PTPRE: variants seen among roughly 807,000 people sequenced by gnomAD.
PTPRE encodes receptor-type tyrosine-protein phosphatase epsilon.
A neutral mutation model predicts 102.0 loss-of-function variants in PTPRE; 51 were observed. The observed-to-expected ratio is 0.50, with a 90% CI of 0.40 to 0.63. The LOEUF (loss-of-function observed/expected upper bound fraction) is 0.63. PTPRE is among the 30% of genes least tolerant of loss of function. The pLI is 0.00. For synonymous variants in PTPRE, 345 were observed against 348.2 expected (o/e 0.99, Z 0.10); for missense variants, 752 against 915.1 (o/e 0.82, Z 2.30).
chr10:128,030,954 G>A (rs1846704186), intron 2 of PTPRE, among the ~76,000 whole-genome samples: 1 of 152,172 alleles, frequency 6.6e-6, no homozygotes, highest in Admixed American at 6.5e-5. Flanking sequence ...CTAACACATG[G>A]CAGTTGCATT....
At chr10:127,910,376 C>T (rs542374810) in intron 1 of PTPRE, among the ~76,000 whole-genome samples, 47 of 152,324 alleles carry the variant, frequency 3.1e-4, no homozygotes, top group African/African-American at 1.1e-3. Flanking sequence ...ACAAAGCCTT[C>T]CTGGCTCCCC....
rs1846633406 is a variant in PTPRE, at chr10:127,921,878, G to A, written c.-31+14569G>A. 2.6e-5 allele frequency among the ~76,000 whole-genome samples: 4 copies of A among 152,216 alleles called. No individual in the cohort carries two copies. The South Asian group carries it at 8.3e-4, about 32-fold the overall frequency. ...AGAGGGCAGGAGGGGAGTCCAGGAG[G>A]AATGGACAGGGTGCTGTGGCTCAGG... On this transcript the variant is annotated intron_variant, in intron 1 of 20. Transcript: ENST00000254667.
intron 1 of PTPRE, among the ~76,000 whole-genome samples, chr10:127,951,975 A>G (rs773178492): frequency 1.3e-5 from 2 of 152,188 alleles, no homozygotes; most frequent in South Asian, 2.1e-4. Context: ...ATCTCCTGAT[A>G]CCTGGTGTGC....
intron 18 of PTPRE, among the ~76,000 whole-genome samples, chr10:128,076,970 T>A (rs944398216): frequency 6.6e-6 from 1 of 152,116 alleles, no homozygotes; most frequent in South Asian, 2.1e-4. Flanking sequence ...CCATTAGCTG[T>A]AAGAGGAAGA....
At chr10:127,949,841 G>A (rs931361146) in intron 1 of PTPRE, among the ~76,000 whole-genome samples, 39 of 152,124 alleles carry the variant, frequency 2.6e-4, no homozygotes, top group East Asian at 9.7e-4. Context: ...ATGGGGAAAC[G>A]TGGGGAGACC....
At position 128,083,082 on chromosome 10, in the gene PTPRE, T is replaced by A; in HGVS notation, c.*176T>A. 2 of 491,344 alleles carry A rather than the reference T, an allele frequency of 4.1e-6. No individual in the cohort carries two copies. Among genetic ancestry groups the A allele is most frequent in the African/African-American group, 2.0e-5 (1 of 49,646 alleles). 30.4% of individuals were successfully genotyped at this position (491,344 alleles called of 1,614,324 possible). A position where few individuals can be genotyped will look rare whatever the true frequency, so the allele number is the denominator to read the frequency against. ...AAATCTTAAATATGCTTTTTAAAAA[T>A]TGGAATAATGTATTAAGGTCAAATA... On this transcript the variant is annotated 3_prime_UTR_variant, in exon 21 of 21. Transcript: ENST00000254667.
intron 2 of PTPRE, among the ~76,000 whole-genome samples, chr10:128,011,809 G>T (rs1221432401): frequency 6.6e-6 from 1 of 152,194 alleles, no homozygotes. Context: ...TGCCTCACAC[G>T]TGCCAGTTCA....
chr10:128,026,231 C>T (rs115327882), intron 2 of PTPRE, among the ~76,000 whole-genome samples: 1,815 of 152,340 alleles, frequency 0.012, 44 homozygotes, highest in African/African-American at 0.042. Flanking sequence ...GCAAATGCTT[C>T]ACCATCTCTG....
chr10:127,968,179 A>G (rs1850410215), intron 1 of PTPRE, among the ~76,000 whole-genome samples: 1 of 152,214 alleles, frequency 6.6e-6, no homozygotes, highest in Non-Finnish European at 1.5e-5. Flanking sequence ...AATGTGGCAT[A>G]TCTATGAATT....
At chr10:128,046,614 AG>A (rs1848110084) in intron 3 of PTPRE, among the ~76,000 whole-genome samples, 1 of 150,942 alleles carries the variant, frequency 6.6e-6, no homozygotes, top group Non-Finnish European at 1.5e-5. Context: ...TTTGGTGATG[AG>A]GGGGCTGTGT....
At chr10:128,001,051 C>T (rs750351925) in intron 2 of PTPRE, among the ~76,000 whole-genome samples, 6 of 152,340 alleles carry the variant, frequency 3.9e-5, no homozygotes, top group Non-Finnish European at 7.3e-5. Flanking sequence ...ATTTTGTTCA[C>T]ACTAAGAGAG....
chr10:128,079,624 G>A lies in PTPRE; in HGVS notation c.1957G>A (p.Glu653Lys), dbSNP rs758630770. 8.1e-6 allele frequency: 13 copies of A among 1,613,946 alleles called. No individual in the cohort carries two copies. Among genetic ancestry groups the A allele is most frequent in the South Asian group, 7.7e-5 (7 of 91,084 alleles). ...LSNILERVKA[E>K]GLLDVFQAVK... Reference sequence around the variant, plus strand: ...CAACATTTTGGAGCGAGTAAAAGCCGAGGGACTTTTAGATGTATTTCAAGC... The same window carrying A: ...CAACATTTTGGAGCGAGTAAAAGCCAAGGGACTTTTAGATGTATTTCAAGC... The change falls in exon 20 of 21, where the codon GAG (glutamate) becomes AAG (lysine). Residue 653 changes from glutamate to lysine, a missense_variant. Physicochemically the swap from Glu to Lys is moderately conservative, Grantham distance 56 (BLOSUM62 1). Coordinates refer to ENST00000254667, the MANE Select transcript of PTPRE (RefSeq NM_006504.6).
intron 2 of PTPRE, among the ~76,000 whole-genome samples, chr10:128,027,604 C>T (rs759990635): frequency 1.8e-4 from 27 of 152,174 alleles, no homozygotes; most frequent in Non-Finnish European, 2.8e-4. Flanking sequence ...TGTGGGTCAG[C>T]GCCTGCATGA....
chr10:127,992,804 A>G (rs775773201), intron 2 of PTPRE, among the ~76,000 whole-genome samples: 7 of 152,062 alleles, frequency 4.6e-5, no homozygotes, highest in Non-Finnish European at 8.8e-5. Context: ...AAATCCAAAT[A>G]CCTCTTCAGA....
At chr10:127,961,837 C>T (rs1189366414) in intron 1 of PTPRE, among the ~76,000 whole-genome samples, 1 of 152,130 alleles carries the variant, frequency 6.6e-6, no homozygotes, top group African/African-American at 2.4e-5. Flanking sequence ...TGCTCTGCCG[C>T]CAGGACTAGC....
At chr10:128,062,192 G>T (rs1849665479) in intron 9 of PTPRE, among the ~76,000 whole-genome samples, 1 of 152,292 alleles carries the variant, frequency 6.6e-6, no homozygotes, top group African/African-American at 2.4e-5. Context: ...TGCAGGACCT[G>T]GTGTACGTGC....
intron 1 of PTPRE, among the ~76,000 whole-genome samples, chr10:127,950,863 G>A (rs1444391251): frequency 7.9e-5 from 12 of 152,018 alleles, no homozygotes; most frequent in Admixed American, 1.3e-4. Flanking sequence ...TTGGGAGGCC[G>A]AGGCGGGCAG....
At chr10:128,046,908 G>A (rs1334863046) in intron 3 of PTPRE, among the ~76,000 whole-genome samples, 1 of 152,196 alleles carries the variant, frequency 6.6e-6, no homozygotes, top group Non-Finnish European at 1.5e-5. Context: ...GAAAGGTGGG[G>A]TCACAGTGCG....
At chr10:127,998,334 G>A (rs762472593) in intron 2 of PTPRE, 26 of 152,158 alleles carry the variant, frequency 1.7e-4, no homozygotes, top group Admixed American at 1.4e-3. Context: ...AAGTAGCAAG[G>A]GCATGCCACC....
Sources: gnomAD v4.1 joint callset for allele counts (sites outside exome capture counted in the v4.1 genomes callset) on GRCh38, gnomAD v4.1.1 for gene constraint, MANE v1.5 for transcripts, NCBI Gene and HGNC (gene_info 2026-07-23, HGNC 2026-07-21) for gene names.